THSD7B: variants seen among roughly 807,000 people sequenced by gnomAD.
The protein encoded by THSD7B is thrombospondin type 1 domain containing 7B, also known as thrombospondin type-1 domain-containing protein 7B.
In THSD7B, 138 loss-of-function variants were observed where a neutral mutation model predicts 213.6. The observed-to-expected ratio is 0.65, with a 90% confidence interval of 0.56 to 0.74. The LOEUF is 0.74. THSD7B is among the 30% of genes least tolerant of loss of function. The pLI is 0.00. For synonymous variants in THSD7B, 742 were observed against 687.0 expected, an observed-to-expected ratio of 1.08 and a Z score of -1.25; for missense variants, 1,931 against 1,991.5, an observed-to-expected ratio of 0.97 and a Z score of 0.58.
chr2:137,373,816 G>A (rs1381452815), intron 12 of THSD7B, among the ~76,000 whole-genome samples: 3 of 152,154 alleles, frequency 2.0e-5, no homozygotes, highest in Non-Finnish European at 4.4e-5. Flanking sequence ...TTCTTCTAGG[G>A]TTTTAATGGT....
At chr2:136,794,311 A>C (rs2710187) in intron 1 of THSD7B, among the ~76,000 whole-genome samples, 1 of 151,146 alleles carries the variant, frequency 6.6e-6, no homozygotes, top group Non-Finnish European at 1.5e-5. Flanking sequence ...TTGATCTTTT[A>C]CCTTTATACT....
chr2:137,313,016 A>T (rs1395612965), intron 12 of THSD7B, among the ~76,000 whole-genome samples: 1 of 150,374 alleles, frequency 6.7e-6, no homozygotes, highest in African/African-American at 2.5e-5. Flanking sequence ...GTAGATGTCT[A>T]TTAGGTCCGC....
rs766097738 is a variant in THSD7B at position 137,509,555 on chromosome 2, A to G, written c.3139-53666A>G. Among the ~76,000 whole-genome samples the G allele has an allele frequency of 3.3e-5, 5 of 152,010 alleles. No individual in the cohort carries two copies. The East Asian group carries it at 7.7e-4, about 24-fold the overall frequency. ...TATCTGTATATTTTTAATTATTTGA[A>G]CATATTTTCCTCTAATTCTTTGAAC... On this transcript the variant is annotated intron_variant, in intron 15 of 27. Coordinates refer to ENST00000409968, the MANE Select transcript of THSD7B (RefSeq NM_001316349.2).
chr2:136,803,232 A>G (rs1363146665), intron 1 of THSD7B, among the ~76,000 whole-genome samples: 1 of 152,164 alleles, frequency 6.6e-6, no homozygotes, highest in Non-Finnish European at 1.5e-5. Context: ...CAGAAAATTA[A>G]TGTAATGAAC....
rs571972819 is a variant in THSD7B, at chr2:137,231,995, G to T, written c.1915+760G>T. Among the ~76,000 whole-genome samples, 6 of 152,264 alleles carry T rather than the reference G, an allele frequency of 3.9e-5. No homozygotes were observed. The East Asian group carries it at 1.2e-3, about 29-fold the overall frequency. On this transcript the variant is annotated intron_variant, in intron 8 of 27. Transcript: ENST00000409968. The stretch of plus-strand genomic sequence containing the variant: ...TTTGATCCTGCGAAATGGGGCCAGG[G>T]TCAAGATAAATGAAGATTTTCATAT...
intron 12 of THSD7B, among the ~76,000 whole-genome samples, chr2:137,353,142 T>C (rs2104923835): frequency 6.6e-6 from 1 of 152,214 alleles, no homozygotes; most frequent in South Asian, 2.1e-4. Flanking sequence ...AGATTTTCAT[T>C]TTTCAAAAGA....
intron 3 of THSD7B, among the ~76,000 whole-genome samples, chr2:137,073,608 A>G (rs12105800): frequency 0.027 from 4,054 of 152,046 alleles, 202 homozygotes; most frequent in African/African-American, 0.092. Context: ...GATGTTAGTT[A>G]TTTCTTGCCT....
At chr2:137,575,742 A>ATATATATATATATATATATATTT (rs1235744133) in intron 17 of THSD7B, among the ~76,000 whole-genome samples, 8 of 147,326 alleles carry the variant, frequency 5.4e-5, no homozygotes, top group African/African-American at 2.0e-4. Flanking sequence ...ATATATATAT[A>ATATATATATATATATATATATTT]TTTTTACTTT....
intron 15 of THSD7B, among the ~76,000 whole-genome samples, chr2:137,519,292 CATT>C (rs1680134838): frequency 7.8e-6 from 1 of 128,112 alleles, no homozygotes; most frequent in Non-Finnish European, 1.7e-5. Context: ...AGGAAAAGGC[CATT>C]ATTATTCAGA....
At chr2:136,839,040 T>C (rs1319278917) in intron 1 of THSD7B, among the ~76,000 whole-genome samples, 1 of 152,214 alleles carries the variant, frequency 6.6e-6, no homozygotes. Flanking sequence ...TTTAGTCCAC[T>C]AACCTAGAAA....
intron 12 of THSD7B, among the ~76,000 whole-genome samples, chr2:137,310,074 A>G (rs1184757730): frequency 6.6e-6 from 1 of 151,412 alleles, no homozygotes; most frequent in Non-Finnish European, 1.5e-5. Context: ...TCCCTGAGGA[A>G]TCGCCACACT....
intron 1 of THSD7B, among the ~76,000 whole-genome samples, chr2:136,866,405 A>G (rs924897705): frequency 3.3e-5 from 5 of 152,152 alleles, no homozygotes; most frequent in Non-Finnish European, 7.4e-5. Flanking sequence ...TCAGGTCTGT[A>G]GGAAGCTATA....
intron 7 of THSD7B, among the ~76,000 whole-genome samples, chr2:137,182,713 A>T (rs1680478291): frequency 6.6e-6 from 1 of 152,088 alleles, no homozygotes; most frequent in Admixed American, 6.6e-5. Context: ...GGATTCCCAG[A>T]TTGTCTCCTT....
chr2:136,777,643 A>G (rs950665359), intron 1 of THSD7B, among the ~76,000 whole-genome samples: 1 of 152,208 alleles, frequency 6.6e-6, no homozygotes, highest in Non-Finnish European at 1.5e-5. Flanking sequence ...AAAGCTGCCA[A>G]AATAACTACT....
At chr2:137,204,305 G>A (rs146069061) in intron 7 of THSD7B, among the ~76,000 whole-genome samples, 1 of 152,028 alleles carries the variant, frequency 6.6e-6, no homozygotes, top group African/African-American at 2.4e-5. Flanking sequence ...AGCAAAATTG[G>A]GGTTTTCCCT....
chr2:137,155,148 A>G (rs1303010023), intron 5 of THSD7B, among the ~76,000 whole-genome samples: 2 of 152,232 alleles, frequency 1.3e-5, no homozygotes, highest in African/African-American at 4.8e-5. Context: ...CTAGGCAGTG[A>G]TCCAGATTTG....
chr2:136,966,719 G>T (rs1053226736), intron 2 of THSD7B, among the ~76,000 whole-genome samples: 1 of 151,890 alleles, frequency 6.6e-6, no homozygotes, highest in African/African-American at 2.4e-5. Context: ...TCTCTTTTCC[G>T]TGTCGTCTTT....
chr2:137,246,281 G>A (rs1364806862), intron 10 of THSD7B, among the ~76,000 whole-genome samples: 1 of 152,168 alleles, frequency 6.6e-6, no homozygotes, highest in Admixed American at 6.5e-5. Flanking sequence ...AAGCGGTTAT[G>A]TCTGTGGTCT....
chr2:136,898,336 G>C (rs1051959476), intron 2 of THSD7B, among the ~76,000 whole-genome samples: 26 of 152,128 alleles, frequency 1.7e-4, no homozygotes, highest in African/African-American at 5.8e-4. Context: ...TTAGAGTTTT[G>C]ACTTCTAAGA....
Sources: allele counts gnomAD v4.1 joint callset (sites outside exome capture counted in the v4.1 genomes callset), GRCh38; gene constraint gnomAD v4.1.1; transcripts MANE v1.5; gene names NCBI Gene and HGNC (gene_info 2026-07-23, HGNC 2026-07-21).